The following ELAVL3 variants were observed in gnomAD, a reference collection of about 807,000 sequenced individuals.
The protein encoded by ELAVL3 is ELAV like RNA binding protein 3.
ELAVL3 carries 8 observed loss-of-function variants against 34.2 expected under a neutral mutation model. That is an observed-to-expected ratio of 0.23 (90% CI 0.14 to 0.42). The LOEUF is 0.42. Among genes scored for constraint, ELAVL3 ranks in the 10% least tolerant of loss-of-function variants. The pLI, the probability that ELAVL3 is intolerant of heterozygous loss-of-function variation, is 1.00. For synonymous variants in ELAVL3, 209 were observed against 222.1 expected (o/e 0.94, Z 0.53); for missense variants, 273 against 518.8 (o/e 0.53, Z 4.60).
chr19:11,467,701 C>T (rs1971083151), intron 1 of ELAVL3, among the ~76,000 whole-genome samples: 1 of 152,014 alleles, frequency 6.6e-6, no homozygotes, highest in South Asian at 2.1e-4. Context: ...CCAGGCTGGT[C>T]TCGAACTCCT....
chr19:11,478,711 C>T (rs947762056), intron 1 of ELAVL3, among the ~76,000 whole-genome samples: 1 of 152,124 alleles, frequency 6.6e-6, no homozygotes, highest in African/African-American at 2.4e-5. Flanking sequence ...CTCTCTCTTC[C>T]TCTTTTCCAC....
chr19:11,480,298 C>CG lies in ELAVL3; in HGVS notation c.9+301_9+302insC. Reference sequence around the variant, plus strand: ...TGGATGGAGGAAGCATCCTTAGCCGCCGCGGCCCCTCCCCCATCAGGCCTG... The same window carrying CG: ...TGGATGGAGGAAGCATCCTTAGCCGCGCGCGGCCCCTCCCCCATCAGGCCTG... On this transcript the variant is annotated intron_variant, in intron 1 of 6. Coordinates refer to ENST00000359227, the MANE Select transcript of ELAVL3 (RefSeq NM_001420.4). The surrounding 1 kb of genome is among the most constrained non-coding windows in gnomAD (Gnocchi z 6.8). 2.8e-6 allele frequency: 1 copy of CG among 362,400 alleles called. No homozygotes were observed. The highest frequency in any genetic ancestry group is 4.1e-5 in the East Asian group (1 of 24,578). The allele number at this position is 362,400 out of a possible 1,614,324, so 22.4% of individuals were successfully genotyped here. A position where few individuals can be genotyped will look rare whatever the true frequency, so the allele number is the denominator to read the frequency against.
intron 1 of ELAVL3, among the ~76,000 whole-genome samples, chr19:11,478,452 G>A (rs1052945268): frequency 2.0e-5 from 3 of 152,178 alleles, no homozygotes; most frequent in African/African-American, 7.2e-5. Context: ...CACAGCCTGG[G>A]ATGGTGGCTA....
At chr19:11,457,916 G>C (rs921977098) in intron 5 of ELAVL3, 145 bp downstream of exon 5, 1 of 792,280 alleles carries the variant, frequency 1.3e-6, no homozygotes, top group African/African-American at 1.7e-5. Flanking sequence ...TGAGTGGCTG[G>C]CCTTGGCACC....
At position 11,466,571 on chromosome 19, in the gene ELAVL3, C is replaced by A. The variant is rs1417768871; in HGVS notation, c.229+37G>T. The A allele has an allele frequency of 6.2e-7, 1 of 1,607,752 alleles. No individual in the cohort carries two copies. The highest frequency in any genetic ancestry group is 8.5e-7 in the Non-Finnish European group (1 of 1,175,738). On this transcript the variant is annotated intron_variant, in intron 2 of 6. Coordinates refer to ENST00000359227, the MANE Select transcript of ELAVL3 (RefSeq NM_001420.4). The surrounding 1 kb of genome is among the most constrained non-coding windows in gnomAD (Gnocchi z 5.0). ...CATCACCTCTGTATTTCTGAGGCTA[C>A]CACCTCTGTTCCTCCCCGCAACTCC...
At chr19:11,477,211 G>T (rs1299702332) in intron 1 of ELAVL3, among the ~76,000 whole-genome samples, 1 of 152,202 alleles carries the variant, frequency 6.6e-6, no homozygotes, top group Non-Finnish European at 1.5e-5. Context: ...CTTAAGGAAG[G>T]TATGGCACAG....
At chr19:11,467,142 G>A (rs512192) in intron 1 of ELAVL3, among the ~76,000 whole-genome samples, 13,950 of 152,142 alleles carry the variant, frequency 0.092, 973 homozygotes, top group African/African-American at 0.19. Flanking sequence ...ACGCTTTCAC[G>A]TCGGGCGCAG....
rs1971343855 is a variant in ELAVL3 at position 11,480,033 on chromosome 19, C to A, written c.9+567G>T. On this transcript the variant is annotated intron_variant, in intron 1 of 6. Transcript: ENST00000359227. The surrounding 1 kb of genome is among the most constrained non-coding windows in gnomAD (Gnocchi z 6.8). ...GCCGAGAAACAAAGGGACGCGGCAG[C>A]AGCGGCGGCGGGCCCGCGGGGCCTC... Among the ~76,000 whole-genome samples, 1 of 151,468 alleles carries A rather than the reference C, an allele frequency of 6.6e-6. No homozygotes were observed. The highest frequency in any genetic ancestry group is 6.6e-5 in the Admixed American group (1 of 15,244).
intron 3 of ELAVL3, among the ~76,000 whole-genome samples, chr19:11,464,778 T>TACACCACACACACCACACAC (rs1970987543): frequency 5.7e-5 from 3 of 52,794 alleles, no homozygotes; most frequent in South Asian, 6.1e-4. Context: ...ACCACACACA[T>TACACCACACACACCACACAC]ACACCACACA....
At chr19:11,457,243 C>A (rs1198851904) in intron 5 of ELAVL3, 95 bp from the exon 6 acceptor site, 18 of 1,327,798 alleles carry the variant, frequency 1.4e-5, no homozygotes, top group Non-Finnish European at 1.5e-5. Context: ...ACCCAACAGG[C>A]CTGCAGCAGA....
At chr19:11,479,779 G>C (rs1210442363) in intron 1 of ELAVL3, among the ~76,000 whole-genome samples, 1 of 151,596 alleles carries the variant, frequency 6.6e-6, no homozygotes, top group East Asian at 2.0e-4. Flanking sequence ...CTAGCGGTGC[G>C]GGCGAGCAGG....
intron 3 of ELAVL3, among the ~76,000 whole-genome samples, chr19:11,465,862 AG>A (rs1363859088): frequency 6.6e-6 from 1 of 152,096 alleles, no homozygotes; most frequent in Non-Finnish European, 1.5e-5. Flanking sequence ...CCATGACAAA[AG>A]CAGGGAGGGG....
At position 11,458,117 on chromosome 19, in the gene ELAVL3, G is replaced by A. The variant is rs375398140; in HGVS notation, c.657C>T (p.Tyr219=). The A allele has an allele frequency of 1.9e-6, 3 of 1,614,054 alleles. No individual in the cohort carries two copies. Among genetic ancestry groups the A allele is most frequent in the Middle Eastern group, 1.7e-4 (1 of 6,060 alleles). The change falls in exon 5 of 7, where the codon TAC becomes TAT. Residue 219 remains tyrosine (Y), a synonymous_variant. Coordinates refer to ENST00000359227, the MANE Select transcript of ELAVL3 (RefSeq NM_001420.4). This position sits in a 1 kb window ranked among gnomAD's most constrained non-coding sequence, Gnocchi z 7.3. ...CTGCGTAGCGCCGGGCGGATGACTG[G>A]TAGAGGTGGGTGAGCAGCGCCTGCC... is the stretch of plus-strand genomic sequence containing the variant. ...KTGQALLTHL[Y]QSSARRYAGP...
At chr19:11,465,117 ACACACATACACAC>A (rs1971011890) in intron 3 of ELAVL3, among the ~76,000 whole-genome samples, 1 of 105,408 alleles carries the variant, frequency 9.5e-6, no homozygotes, top group African/African-American at 3.6e-5. Context: ...CACATACACC[ACACACATACACAC>A]CACACACATA....
Position 11,458,543 on chromosome 19 carries a change from C to G in ELAVL3, c.402G>C (p.Lys134Asn). ...GCTCCATCTCTTTCTGGCTCATGGT[C>G]TTGGGGAGCCCGCTGACGTACAGGT... ...DANLYVSGLP[K>N]TMSQKEMEQL... is the part of the protein sequence containing the mutation. Residue 134 changes from lysine to asparagine, a missense_variant, in exon 4 of 7, where the codon AAG becomes AAC. By Grantham distance (94) the Lys-to-Asn change is moderately conservative. Transcript: ENST00000359227. The surrounding 1 kb of genome is among the most constrained non-coding windows in gnomAD (Gnocchi z 7.3). The G allele has an allele frequency of 6.2e-7, 1 of 1,614,136 alleles. No homozygotes were observed. The highest frequency in any genetic ancestry group is 8.5e-7 in the Non-Finnish European group (1 of 1,180,034).
Position 11,480,461 on chromosome 19 carries a change from G to C in ELAVL3, c.9+139C>G. On this transcript the variant is annotated intron_variant, in intron 1 of 6. Transcript: ENST00000359227. The surrounding 1 kb of genome is among the most constrained non-coding windows in gnomAD (Gnocchi z 6.8). ...GCGGCCCTGCCCACTCTCAGGCCCC[G>C]AGGCTTGGTCCTACCCCCCCAACCC... The C allele has an allele frequency of 9.1e-7, 1 of 1,101,674 alleles. No individual in the cohort carries two copies. The highest frequency in any genetic ancestry group is 1.2e-6 in the Non-Finnish European group (1 of 828,864). The allele number at this position is 1,101,674 out of a possible 1,614,324, so 68.2% of individuals were successfully genotyped here.
intron 1 of ELAVL3, among the ~76,000 whole-genome samples, chr19:11,469,828 T>G (rs577064482): frequency 6.6e-6 from 1 of 151,940 alleles, no homozygotes; most frequent in East Asian, 1.9e-4. Flanking sequence ...GAGGCCAAGG[T>G]GGACGGATTG....
At chr19:11,479,352 G>C (rs936838485) in intron 1 of ELAVL3, among the ~76,000 whole-genome samples, 1 of 152,066 alleles carries the variant, frequency 6.6e-6, no homozygotes, top group African/African-American at 2.4e-5. Context: ...GGCATGGAGG[G>C]AGCGCCAATC....
chr19:11,464,150 T>C (rs1970955933), intron 3 of ELAVL3, among the ~76,000 whole-genome samples: 1 of 100,840 alleles, frequency 9.9e-6, no homozygotes, highest in Admixed American at 1.0e-4. Flanking sequence ...TCTCTCTCTC[T>C]CTATATATAT....
Sources: gnomAD v4.1 joint callset for allele counts (sites outside exome capture counted in the v4.1 genomes callset) on GRCh38, gnomAD v4.1.1 for gene constraint, Gnocchi (gnomAD v3.1) non-coding constraint, MANE v1.5 for transcripts, NCBI Gene and HGNC (gene_info 2026-07-23, HGNC 2026-07-21) for gene names.